Variants in RYR1 observed in about 807,000 individuals in gnomAD.
The protein encoded by RYR1 is ryanodine receptor 1, also known as central core disease of muscle.
Under a neutral mutation model 583.5 loss-of-function variants are expected in RYR1, and 342 were observed. That is an observed-to-expected ratio of 0.59 (90% CI 0.54 to 0.64). The LOEUF (loss-of-function observed/expected upper bound fraction) is 0.64. RYR1 is among the 30% of genes least tolerant of loss of function. RYR1 has a pLI of 0.00. For missense variants in RYR1, 6,032 were observed against 6,917.2 expected (o/e 0.87, Z 4.54); for synonymous variants, 2,791 against 2,822.5 (o/e 0.99, Z 0.35).
chr19:38,482,027 G>T (rs1969035074), intron 31 of RYR1, among the ~76,000 whole-genome samples: 1 of 152,150 alleles, frequency 6.6e-6, no homozygotes, highest in South Asian at 2.1e-4. Flanking sequence ...GGTGGAGTTT[G>T]CAGTGAGCCG....
intron 105 of RYR1, 120 bp downstream of exon 105, chr19:38,586,696 C>A: frequency 1.0e-6 from 1 of 962,030 alleles, no homozygotes; most frequent in Non-Finnish European, 1.7e-6. Context: ...GGGGGCTGGG[C>A]ACGGCGGCTC....
intron 53 of RYR1, 117 bp downstream of exon 53, chr19:38,505,515 T>C: frequency 1.2e-6 from 1 of 825,576 alleles, no homozygotes; most frequent in South Asian, 1.5e-5. Flanking sequence ...GTGGGTTAGG[T>C]CTCCCCATTC....
chr19:38,500,472 G>A lies in RYR1; in HGVS notation c.7324-134G>A, dbSNP rs1234442057. On this transcript the variant is annotated intron_variant, in intron 45 of 105. Coordinates refer to ENST00000359596, the MANE Select transcript of RYR1 (RefSeq NM_000540.3). The surrounding 1 kb of genome is among the most constrained non-coding windows in gnomAD (Gnocchi z 5.9). ...GGGGGGCACAGGCAGAGGAACGAGG[G>A]CTGGAAACTCTAGACAGCCTCCTGA... The A allele has an allele frequency of 7.6e-7, 1 of 1,317,454 alleles. No individual in the cohort carries two copies. Among genetic ancestry groups the A allele is most frequent in the African/African-American group, 1.4e-5 (1 of 69,126 alleles). The allele number at this position is 1,317,454 out of a possible 1,614,324, so 81.6% of individuals were successfully genotyped here.
chr19:38,443,905 G>C, intron 5 of RYR1, 109 bp downstream of exon 5: 1 of 1,038,434 alleles, frequency 9.6e-7, no homozygotes, highest in Non-Finnish European at 1.5e-6. Flanking sequence ...CTGGGGACAT[G>C]AATGGGGGCT....
At chr19:38,584,029 A>T (rs1288984498) in intron 101 of RYR1, among the ~76,000 whole-genome samples, 2 of 151,826 alleles carry the variant, frequency 1.3e-5, no homozygotes, top group East Asian at 3.9e-4. Flanking sequence ...CTCTGCTGGG[A>T]ACACTCTCCC....
intron 24 of RYR1, 102 bp downstream of exon 24, chr19:38,466,500 TC>T: frequency 1.7e-4 from 135 of 804,296 alleles, no homozygotes; most frequent in Non-Finnish European, 2.3e-4. Context: ...ATGGGCTATA[TC>T]TTTTTTTTTT....
chr19:38,494,399 G>A lies in RYR1; in HGVS notation c.6322G>A (p.Glu2108Lys). Residue 2108 changes from glutamate to lysine, a missense_variant, in exon 39 of 106, where the codon GAG (glutamate) becomes AAG (lysine). By Grantham distance (56) the Glu-to-Lys change is moderately conservative. Around this residue, in one of 11 missense-constraint regions of RYR1, gnomAD observed 2,627 missense variants for 2,961.3 expected, o/e 0.89. Transcript: ENST00000359596. Reference protein sequence around the residue: ...VSHMVVRWAQEDFVQSPELVR... With the variant: ...VSHMVVRWAQKDFVQSPELVR... The stretch of plus-strand genomic sequence containing the variant: ...CCACATGGTGGTGCGCTGGGCCCAA[G>A]AGGACTTCGTGCAGAGCCCCGAGCT... 2 of 1,611,966 alleles carry A rather than the reference G, an allele frequency of 1.2e-6. No individual in the cohort carries two copies. Among genetic ancestry groups the A allele is most frequent in the Non-Finnish European group, 1.7e-6 (2 of 1,180,010 alleles).
chr19:38,444,128 C>A lies in RYR1; in HGVS notation c.425-21C>A. ...GGAAGCCATCATCTGACAGCCACCC[C>A]CATTCCATCCCCACCCATAGGAGAG... On this transcript the variant is annotated intron_variant, in intron 5 of 105. Transcript: ENST00000359596. This position sits in a 1 kb window ranked among gnomAD's most constrained non-coding sequence, Gnocchi z 5.1. 1.3e-6 allele frequency: 2 copies of A among 1,597,976 alleles called. No homozygotes were observed. Among genetic ancestry groups the A allele is most frequent in the South Asian group, 1.1e-5 (1 of 90,788 alleles).
intron 50 of RYR1, 95 bp from the exon 51 acceptor site, chr19:38,504,653 A>T (rs1281276931): frequency 1.1e-5 from 16 of 1,520,692 alleles, no homozygotes; most frequent in South Asian, 2.3e-5. Context: ...GGGTTCAGGG[A>T]GGAGGGCTGA....
At chr19:38,447,166 A>G (rs1048897408) in intron 9 of RYR1, among the ~76,000 whole-genome samples, 1 of 152,156 alleles carries the variant, frequency 6.6e-6, no homozygotes, top group Non-Finnish European at 1.5e-5. Flanking sequence ...TCAAGGCTGC[A>G]GTGAGCTGAG....
intron 91 of RYR1, among the ~76,000 whole-genome samples, chr19:38,566,589 C>T (rs1039576131): frequency 1.6e-4 from 25 of 151,720 alleles, no homozygotes; most frequent in Non-Finnish European, 3.1e-4. Flanking sequence ...AGGAAGGGAC[C>T]CCAAACATCC....
intron 89 of RYR1, among the ~76,000 whole-genome samples, chr19:38,550,291 A>G (rs752853763): frequency 1.3e-5 from 2 of 152,036 alleles, no homozygotes; most frequent in Non-Finnish European, 2.9e-5. Flanking sequence ...TTCCTCCTTC[A>G]GTCTGGAACT....
In RYR1 at chr19:38,502,641, G is replaced by A. The variant is rs1464028010; in HGVS notation, c.7749G>A (p.Leu2583=). Residue 2583 remains leucine (L), a synonymous_variant, in exon 48 of 106, where the codon CTG becomes CTA. Transcript: ENST00000359596. ...GCGCCATCATGGTGGACTCTATGCT[G>A]CATACCGTGTACCGCCTGTCTCGGG... The part of the protein sequence containing the change: ...EHRAIMVDSM[L]HTVYRLSRGR... 1.9e-6 allele frequency: 3 copies of A among 1,612,792 alleles called. No homozygotes were observed. Among genetic ancestry groups the A allele is most frequent in the Admixed American group, 3.3e-5 (2 of 59,974 alleles).
chr19:38,562,551 A>C (rs1401177918), intron 90 of RYR1, among the ~76,000 whole-genome samples: 1 of 151,950 alleles, frequency 6.6e-6, no homozygotes, highest in Non-Finnish European at 1.5e-5. Flanking sequence ...TGGGCCCTTC[A>C]TATGTCTCCT....
rs751692413 is a variant in RYR1, at chr19:38,586,003, G to A, written c.14868+1G>A. ...AGAGCAAGTGAAGGAGGATATGGAG[G>A]TAGGTCATGTCTGGGGGTGACCCAG... On this transcript the variant is annotated splice_donor_variant, in intron 103 of 105. Coordinates refer to ENST00000359596, the MANE Select transcript of RYR1 (RefSeq NM_000540.3). LOFTEE classifies it high-confidence loss of function. 1 of 1,614,100 alleles carries A rather than the reference G, an allele frequency of 6.2e-7. No individual in the cohort carries two copies. The highest frequency in any genetic ancestry group is 2.2e-5 in the East Asian group (1 of 44,882).
rs587784377 is a variant in RYR1 at position 38,489,300 on chromosome 19, GAGA to G, written c.5674_5676del (p.Lys1892del). ...AGAGGGTGAAGAGGAAGATGAGGAG[GAGA>G]AGGAGGAGGATGAGGAGGAAACAGC... On this transcript the variant is annotated inframe_deletion, in exon 35 of 106. Coordinates refer to ENST00000359596, the MANE Select transcript of RYR1 (RefSeq NM_000540.3). 4 of 1,603,486 alleles carry G rather than the reference GAGA, an allele frequency of 2.5e-6. No homozygotes were observed. The highest frequency in any genetic ancestry group is 3.4e-6 in the Non-Finnish European group (4 of 1,170,512).
rs1967086031 is a variant in RYR1, at chr19:38,451,770, C to G, written c.1129C>G (p.Leu377Val). The G allele has an allele frequency of 3.1e-6, 5 of 1,614,146 alleles. No individual in the cohort carries two copies. The highest frequency in any genetic ancestry group is 4.2e-6 in the Non-Finnish European group (5 of 1,180,010). The part of the protein sequence containing the change: ...RLGVLKKKAM[L>V]HQEGHMDDAL... Reference sequence around the variant, plus strand: ...TCTGTCTCCCCACTCCTAGGCCATGCTGCACCAGGAGGGCCACATGGACGA... The same window carrying G: ...TCTGTCTCCCCACTCCTAGGCCATGGTGCACCAGGAGGGCCACATGGACGA... Residue 377 changes from leucine (L) to valine (V), a missense_variant, in exon 12 of 106, where the codon CTG (leucine) becomes GTG (valine). Coordinates refer to ENST00000359596, the MANE Select transcript of RYR1 (RefSeq NM_000540.3).
intron 20 of RYR1, among the ~76,000 whole-genome samples, chr19:38,462,950 G>GCAGTGGCA (rs1568457496): frequency 7.9e-6 from 1 of 125,892 alleles, no homozygotes; most frequent in Non-Finnish European, 1.6e-5. Flanking sequence ...AGGCTGAAGT[G>GCAGTGGCA]CAGTGGCACA....
rs1343251839 is a variant in RYR1 at position 38,585,726 on chromosome 19, G to GC, written c.14804-209dup. 2.6e-5 allele frequency among the ~76,000 whole-genome samples: 4 copies of GC among 151,902 alleles called. 1 individual carries two copies. The Admixed American group carries it at 2.6e-4, about 10-fold the overall frequency. ...TTGAACTCCTCACCTCAGATGATCC[G>GC]CCCACCTCAGCCTCCCAAAGTACTG... On this transcript the variant is annotated intron_variant, in intron 102 of 105. Transcript: ENST00000359596.
Sources: gnomAD v4.1 joint callset for allele counts (sites outside exome capture counted in the v4.1 genomes callset) on GRCh38, gnomAD v4.1.1 for gene constraint, gnomAD v4.1.1 regional missense constraint, Gnocchi (gnomAD v3.1) non-coding constraint, MANE v1.5 for transcripts, NCBI Gene and HGNC (gene_info 2026-07-23, HGNC 2026-07-21) for gene names.